The following PAWR variants were observed in gnomAD, a reference collection of about 807,000 sequenced individuals.
PAWR encodes pro-apoptotic WT1 regulator.
In PAWR, 23 loss-of-function variants were observed where a neutral mutation model predicts 32.0. That is an observed-to-expected ratio of 0.72 (90% CI 0.52 to 1.02). The LOEUF (loss-of-function observed/expected upper bound fraction) is 1.02. PAWR is among the 50% of genes least tolerant of loss of function. PAWR has a pLI of 0.00. For synonymous variants in PAWR, 226 were observed against 187.1 expected (o/e 1.21, Z -1.70); for missense variants, 457 against 437.7 (o/e 1.04, Z -0.39).
intron 2 of PAWR, among the ~76,000 whole-genome samples, chr12:79,627,386 C>T (rs553771350): frequency 0.011 from 1,669 of 152,018 alleles, 40 homozygotes; most frequent in African/African-American, 0.038. Flanking sequence ...CATAAATGTC[C>T]TCTTTTGAGA....
intron 2 of PAWR, among the ~76,000 whole-genome samples, chr12:79,622,337 T>C (rs1875062707): frequency 6.6e-6 from 1 of 152,108 alleles, no homozygotes; most frequent in Non-Finnish European, 1.5e-5. Context: ...CTTTAAGTTG[T>C]AGGGTACATG....
intron 2 of PAWR, among the ~76,000 whole-genome samples, chr12:79,633,572 T>C (rs572934876): frequency 1.3e-5 from 2 of 152,224 alleles, no homozygotes; most frequent in South Asian, 2.1e-4. Context: ...AAAACCACTC[T>C]TGGCTCTCTG....
chr12:79,682,358 C>T (rs1400902135), intron 2 of PAWR, among the ~76,000 whole-genome samples: 1 of 152,160 alleles, frequency 6.6e-6, no homozygotes, highest in East Asian at 1.9e-4. Context: ...AAAGTTTCAG[C>T]TGCCACAGAA....
rs12299521 is a variant in PAWR, at chr12:79,601,239, G to A, written c.684-4581C>T. 4.0e-5 allele frequency among the ~76,000 whole-genome samples: 5 copies of A among 124,140 alleles called. No homozygotes were observed. In the East Asian group the frequency reaches 7.8e-4, roughly 19 times the overall value. The allele number at this position is 124,140 out of a possible 152,430, so 81.4% of individuals were successfully genotyped here. On this transcript the variant is annotated intron_variant, in intron 4 of 6. Transcript: ENST00000328827. ...TTTTTTTTTTTTTTTTTTTTTAAGA[G>A]ACAGGTTCTCACTCTGTGGCCCAGG... is the stretch of plus-strand genomic sequence containing the variant.
rs1565998443 is a variant in PAWR, at chr12:79,603,665, C to CAATTTTTTT, written c.684-7008_684-7007insAAAAAAATT. 8.3e-4 allele frequency: 118 copies of CAATTTTTTT among 141,442 alleles called. 1 individual carries two copies. Among genetic ancestry groups the CAATTTTTTT allele is most frequent in the African/African-American group, 2.9e-3 (112 of 38,068 alleles). The allele number at this position is 141,442 out of a possible 1,614,324, so 8.8% of individuals were successfully genotyped here. ...TCAATACATAAACGGCATCATTATG[C>CAATTTTTTT]TATTTTTTTTTTTTTTTTTTTTTTT... On this transcript the variant is annotated intron_variant, in intron 4 of 6. Coordinates refer to ENST00000328827, the MANE Select transcript of PAWR (RefSeq NM_002583.4).
intron 4 of PAWR, among the ~76,000 whole-genome samples, chr12:79,606,495 T>G (rs1388804673): frequency 1.3e-5 from 2 of 152,210 alleles, no homozygotes; most frequent in Admixed American, 1.3e-4. Flanking sequence ...GTTGTTAGAC[T>G]TCATAATTCA....
intron 2 of PAWR, among the ~76,000 whole-genome samples, chr12:79,656,934 C>T (rs1235024194): frequency 6.6e-6 from 1 of 151,974 alleles, no homozygotes; most frequent in African/African-American, 2.4e-5. Flanking sequence ...AAATGGGAGT[C>T]CAGGAATGCC....
intron 2 of PAWR, among the ~76,000 whole-genome samples, chr12:79,686,747 A>G (rs1878697694): frequency 6.6e-6 from 1 of 152,124 alleles, no homozygotes; most frequent in Admixed American, 6.5e-5. Context: ...TCAGGTCAAG[A>G]TTCTCATCCT....
chr12:79,616,508 T>C (rs780998940), intron 3 of PAWR, among the ~76,000 whole-genome samples: 8 of 152,116 alleles, frequency 5.3e-5, no homozygotes, highest in East Asian at 1.9e-4. Flanking sequence ...CTTAGAGTAA[T>C]AGAGATATAG....
At chr12:79,658,648 T>C (rs1877203718) in intron 2 of PAWR, among the ~76,000 whole-genome samples, 1 of 152,142 alleles carries the variant, frequency 6.6e-6, no homozygotes, top group African/African-American at 2.4e-5. Context: ...AAATAAATAA[T>C]ACAATAAAAT....
chr12:79,672,525 T>C (rs1877955306), intron 2 of PAWR, among the ~76,000 whole-genome samples: 1 of 152,146 alleles, frequency 6.6e-6, no homozygotes, highest in Admixed American at 6.5e-5. Context: ...AGTTTGGATC[T>C]CAACTAAATA....
At chr12:79,630,886 T>G (rs1875588402) in intron 2 of PAWR, among the ~76,000 whole-genome samples, 1 of 149,362 alleles carries the variant, frequency 6.7e-6, no homozygotes, top group South Asian at 2.1e-4. Flanking sequence ...TCTAAAATAA[T>G]AAGAACTACA....
chr12:79,622,488 T>G (rs1429491618), intron 2 of PAWR, among the ~76,000 whole-genome samples: 1 of 152,040 alleles, frequency 6.6e-6, no homozygotes, highest in Non-Finnish European at 1.5e-5. Flanking sequence ...TCCCAGAGTG[T>G]GATGTTCCTC....
intron 2 of PAWR, among the ~76,000 whole-genome samples, chr12:79,639,204 C>T (rs1011521336): frequency 1.3e-5 from 2 of 151,650 alleles, no homozygotes; most frequent in African/African-American, 4.8e-5. Flanking sequence ...GCGTGAGCCA[C>T]CTCACCCTAT....
chr12:79,669,419 T>C (rs1259179273), intron 2 of PAWR, among the ~76,000 whole-genome samples: 1 of 152,202 alleles, frequency 6.6e-6, no homozygotes, highest in African/African-American at 2.4e-5. Flanking sequence ...TGCCATATTA[T>C]CTTATATCTT....
At chr12:79,636,850 A>G (rs1306159472) in intron 2 of PAWR, among the ~76,000 whole-genome samples, 1 of 152,172 alleles carries the variant, frequency 6.6e-6, no homozygotes, top group Non-Finnish European at 1.5e-5. Context: ...ATATGCCTGT[A>G]GACACAACAT....
chr12:79,624,155 GATTAAT>G (rs965257727), intron 2 of PAWR, among the ~76,000 whole-genome samples: 7 of 152,180 alleles, frequency 4.6e-5, no homozygotes, highest in East Asian at 3.9e-4. Context: ...AATTATCATA[GATTAAT>G]ATTAACAGAA....
At chr12:79,690,571 C>G (rs1878967278) in intron 1 of PAWR, 180 bp from the exon 2 acceptor site, 1 of 237,006 alleles carries the variant, frequency 4.2e-6, no homozygotes, top group Non-Finnish European at 8.1e-6. Context: ...GTACGGACCC[C>G]GACGATCGCC....
intron 1 of PAWR, 89 bp downstream of exon 1, chr12:79,690,783 C>G (rs572224454): frequency 5.2e-5 from 8 of 152,470 alleles, no homozygotes; most frequent in African/African-American, 1.7e-4. Context: ...CAAGGCGAGG[C>G]GCGGAGCTCC....
Sources: gnomAD v4.1 joint callset for allele counts (sites outside exome capture counted in the v4.1 genomes callset) on GRCh38, gnomAD v4.1.1 for gene constraint, MANE v1.5 for transcripts, NCBI Gene and HGNC (gene_info 2026-07-23, HGNC 2026-07-21) for gene names.